Variants in PEBP4 observed in about 807,000 individuals in gnomAD.
PEBP4 encodes phosphatidylethanolamine-binding protein 4.
In PEBP4, 22 loss-of-function variants were observed where a neutral mutation model predicts 23.9. The ratio of observed to expected loss-of-function variants is 0.92; its 90% CI spans 0.66 to 1.31. The LOEUF (loss-of-function observed/expected upper bound fraction) is 1.31, where lower values mean the gene tolerates loss of function less well. PEBP4 is among the 40% of genes most tolerant of loss of function. The pLI is 0.00. For missense variants in PEBP4, 324 were observed against 281.7 expected (o/e 1.15, Z -1.07); for synonymous variants, 112 against 99.3 (o/e 1.13, Z -0.76).
At chr8:22,924,597 G>A (rs1051130077) in intron 2 of PEBP4, 11 of 933,684 alleles carry the variant, frequency 1.2e-5, no homozygotes, top group African/African-American at 3.6e-5. Context: ...GCAGGGCCTC[G>A]GGGTAAGAAT....
chr8:22,760,270 G>A (rs117876082), intron 4 of PEBP4, among the ~76,000 whole-genome samples: 2,703 of 152,210 alleles, frequency 0.018, 30 homozygotes, highest in Non-Finnish European at 0.027. Flanking sequence ...GTGAGACTGG[G>A]AAGTGAACAC....
chr8:22,714,021 C>G (rs1804363430), intron 6 of PEBP4, among the ~76,000 whole-genome samples: 1 of 152,248 alleles, frequency 6.6e-6, no homozygotes, highest in African/African-American at 2.4e-5. Flanking sequence ...CTGTGCTCTT[C>G]TTTCAATCTT....
intron 3 of PEBP4, among the ~76,000 whole-genome samples, chr8:22,919,819 T>C (rs933080243): frequency 6.6e-6 from 1 of 152,134 alleles, no homozygotes; most frequent in East Asian, 1.9e-4. Context: ...ACTCCTCCCA[T>C]ACCACGCCTT....
chr8:22,786,458 G>C (rs908663259), intron 4 of PEBP4, among the ~76,000 whole-genome samples: 6 of 151,906 alleles, frequency 3.9e-5, no homozygotes, highest in African/African-American at 1.5e-4. Context: ...ATTTTTTTTA[G>C]TTTTTGAAGA....
rs189856936 is a variant in PEBP4, at chr8:22,758,571, C to G, written c.358-31351G>C. On this transcript the variant is annotated intron_variant, in intron 4 of 6. Transcript: ENST00000256404. ...GGAAATGGACAGAAAAGCCCGCAGC[C>G]CAGTTTTGCACTTGCCTGGCTGTAT... 7.4e-4 allele frequency among the ~76,000 whole-genome samples: 113 copies of G among 152,294 alleles called. 1 individual carries two copies. The highest frequency in any genetic ancestry group is 2.2e-3 in the Admixed American group (33 of 15,306).
intron 6 of PEBP4, among the ~76,000 whole-genome samples, chr8:22,723,587 G>T (rs1804562575): frequency 6.6e-6 from 1 of 152,258 alleles, no homozygotes; most frequent in African/African-American, 2.4e-5. Context: ...TCTTTGGTGA[G>T]ATCGGTAGCC....
intron 3 of PEBP4, among the ~76,000 whole-genome samples, chr8:22,824,931 G>A (rs1378804375): frequency 1.3e-5 from 2 of 152,186 alleles, no homozygotes; most frequent in African/African-American, 2.4e-5. Flanking sequence ...ACCGGTACTG[G>A]GGGTTGGGGA....
chr8:22,782,769 A>G (rs1200053332), intron 4 of PEBP4, among the ~76,000 whole-genome samples: 1 of 152,186 alleles, frequency 6.6e-6, no homozygotes, highest in Non-Finnish European at 1.5e-5. Flanking sequence ...GGACCGTTTT[A>G]TCAGCAGCTG....
chr8:22,882,719 T>C (rs1165588956), intron 3 of PEBP4, among the ~76,000 whole-genome samples: 2 of 152,184 alleles, frequency 1.3e-5, no homozygotes, highest in Admixed American at 6.5e-5. Flanking sequence ...GAAACTCCTC[T>C]GTGAGAACAA....
At chr8:22,721,520 C>A (rs142238029) in intron 6 of PEBP4, among the ~76,000 whole-genome samples, 8 of 152,100 alleles carry the variant, frequency 5.3e-5, no homozygotes, top group Admixed American at 1.3e-4. Flanking sequence ...TCACCCTAAG[C>A]CTGTCATTTA....
At chr8:22,867,495 C>T (rs991294434) in intron 3 of PEBP4, among the ~76,000 whole-genome samples, 5 of 152,156 alleles carry the variant, frequency 3.3e-5, no homozygotes, top group African/African-American at 9.7e-5. Flanking sequence ...TTTCAGGTTG[C>T]GGAAGGCAGG....
chr8:22,900,679 A>C (rs1264812785), intron 3 of PEBP4, among the ~76,000 whole-genome samples: 1 of 151,156 alleles, frequency 6.6e-6, no homozygotes, highest in Non-Finnish European at 1.5e-5. Context: ...AAGATATCTT[A>C]TTTCCTTTTA....
intron 4 of PEBP4, among the ~76,000 whole-genome samples, chr8:22,739,667 C>T (rs969714150): frequency 6.6e-6 from 1 of 152,128 alleles, no homozygotes; most frequent in East Asian, 1.9e-4. Context: ...CTGATGCCCC[C>T]CTCCCCACAG....
At chr8:22,751,035 T>G (rs772698557) in intron 4 of PEBP4, among the ~76,000 whole-genome samples, 13 of 152,198 alleles carry the variant, frequency 8.5e-5, no homozygotes, top group Non-Finnish European at 1.5e-4. Flanking sequence ...GCATTGAACT[T>G]GACGCCCACG....
intron 6 of PEBP4, among the ~76,000 whole-genome samples, chr8:22,716,758 T>C (rs914828437): frequency 1.3e-5 from 2 of 152,194 alleles, no homozygotes; most frequent in African/African-American, 4.8e-5. Flanking sequence ...CTGGCCCCCT[T>C]GCAGGACTTG....
chr8:22,802,946 A>C (rs983309909), intron 4 of PEBP4, among the ~76,000 whole-genome samples: 4 of 152,196 alleles, frequency 2.6e-5, no homozygotes, highest in Non-Finnish European at 5.9e-5. Flanking sequence ...GGCAGAGACT[A>C]GAGCAGCGTC....
intron 3 of PEBP4, among the ~76,000 whole-genome samples, chr8:22,911,494 C>T (rs1222124245): frequency 1.3e-5 from 2 of 152,210 alleles, no homozygotes; most frequent in Non-Finnish European, 2.9e-5. Flanking sequence ...CCACCCCTCA[C>T]CCACAAGCCG....
rs1241091178 is a variant in PEBP4, at chr8:22,862,642, T to C, written c.259-44907A>G. On this transcript the variant is annotated intron_variant, in intron 3 of 6. Coordinates refer to ENST00000256404, the MANE Select transcript of PEBP4 (RefSeq NM_144962.3). ...CTAAAGGCTTAAACACAAACTCTTT[T>C]AAGCTTCAAAGGATTCTCATATATA... Among the ~76,000 whole-genome samples, 4 of 152,134 alleles carry C rather than the reference T, an allele frequency of 2.6e-5. No homozygotes were observed. The South Asian group carries it at 8.3e-4, about 31-fold the overall frequency.
intron 3 of PEBP4, among the ~76,000 whole-genome samples, chr8:22,880,270 A>G (rs1303875595): frequency 6.6e-6 from 1 of 152,190 alleles, no homozygotes; most frequent in Non-Finnish European, 1.5e-5. Flanking sequence ...ATGTGACCTT[A>G]GCCACCTCAA....
Sources: allele counts gnomAD v4.1 joint callset (sites outside exome capture counted in the v4.1 genomes callset), GRCh38; gene constraint gnomAD v4.1.1; transcripts MANE v1.5; gene names NCBI Gene and HGNC (gene_info 2026-07-23, HGNC 2026-07-21).